Variants in SLCO2A1 observed in about 807,000 individuals in gnomAD.
SLCO2A1 encodes matrin F/G 1.
Under a neutral mutation model 71.7 loss-of-function variants are expected in SLCO2A1, and 60 were observed. That is an observed-to-expected ratio of 0.84 (90% CI 0.68 to 1.04). The LOEUF (loss-of-function observed/expected upper bound fraction) is 1.04. SLCO2A1 is among the 50% of genes least tolerant of loss of function. SLCO2A1 has a pLI of 0.00. For missense variants in SLCO2A1, 745 were observed against 813.4 expected (o/e 0.92, Z 1.02); for synonymous variants, 308 against 326.7 (o/e 0.94, Z 0.62).
At chr3:134,021,542 G>T (rs554623243) in intron 1 of SLCO2A1, among the ~76,000 whole-genome samples, 1 of 152,106 alleles carries the variant, frequency 6.6e-6, no homozygotes, top group Non-Finnish European at 1.5e-5. Flanking sequence ...CAGCATAAGT[G>T]GCTGGCAGAG....
intron 11 of SLCO2A1, among the ~76,000 whole-genome samples, chr3:133,939,721 C>T (rs1486521543): frequency 6.6e-6 from 1 of 152,184 alleles, no homozygotes; most frequent in African/African-American, 2.4e-5. Context: ...TTGGCCCTTG[C>T]CCTGGGCAGA....
At chr3:133,973,554 T>C (rs981975475) in intron 3 of SLCO2A1, 109 bp downstream of exon 3, 1 of 1,167,454 alleles carries the variant, frequency 8.6e-7, no homozygotes. Flanking sequence ...CTGAGCTTCA[T>C]ATGCCCTCTT....
In SLCO2A1 at chr3:134,029,679, C is replaced by T. The variant is rs761520036; in HGVS notation, c.96+28G>A. ...GAAGGTGCGCCAGGCGCGGCTCCGG[C>T]CCGGAAGACCCCGCGGACTCCGCTC... On this transcript the variant is annotated intron_variant, in intron 1 of 13. Coordinates refer to ENST00000310926, the MANE Select transcript of SLCO2A1 (RefSeq NM_005630.3). 7.1e-6 allele frequency: 11 copies of T among 1,544,900 alleles called. No individual in the cohort carries two copies. In the African/African-American group the frequency reaches 1.2e-4, roughly 17 times the overall value.
intron 1 of SLCO2A1, among the ~76,000 whole-genome samples, chr3:133,985,566 C>G (rs1013016792): frequency 6.6e-6 from 1 of 152,160 alleles, no homozygotes; most frequent in Admixed American, 6.5e-5. Context: ...TCTCCTCACT[C>G]GACTTTTTTT....
chr3:133,938,290 A>G, intron 12 of SLCO2A1, 139 bp downstream of exon 12: 1 of 763,410 alleles, frequency 1.3e-6, no homozygotes, highest in Non-Finnish European at 2.3e-6. Flanking sequence ...GGATTTTGGC[A>G]TCTGCTGTTG....
intron 11 of SLCO2A1, among the ~76,000 whole-genome samples, chr3:133,938,999 C>G (rs1017032528): frequency 1.3e-5 from 2 of 152,082 alleles, no homozygotes; most frequent in Non-Finnish European, 2.9e-5. Context: ...GTAATTAGGG[C>G]CCTTGGGCTG....
chr3:133,953,558 C>T (rs1202941018), intron 5 of SLCO2A1, 105 bp downstream of exon 5: 7 of 826,052 alleles, frequency 8.5e-6, no homozygotes, highest in East Asian at 2.5e-5. Flanking sequence ...GGTGGCAGAG[C>T]GCATCTGGAG....
chr3:133,950,440 T>C (rs954879104), intron 6 of SLCO2A1, among the ~76,000 whole-genome samples: 12 of 152,182 alleles, frequency 7.9e-5, no homozygotes, highest in African/African-American at 2.9e-4. Context: ...TCTATCCTTA[T>C]CTTTGCCCTG....
chr3:133,972,532 G>A (rs755768978), intron 3 of SLCO2A1, among the ~76,000 whole-genome samples: 59 of 152,132 alleles, frequency 3.9e-4, no homozygotes, highest in Non-Finnish European at 6.8e-4. Flanking sequence ...ATAGCACATC[G>A]AACTTTCTAA....
rs191331464 is a variant in SLCO2A1 at position 134,023,736 on chromosome 3, A to G, written c.96+5971T>C. 7.6e-3 allele frequency among the ~76,000 whole-genome samples: 1,158 copies of G among 152,360 alleles called. 18 individuals are homozygous for G. The highest frequency in any genetic ancestry group is 0.026 in the African/African-American group (1,101 of 41,592). On this transcript the variant is annotated intron_variant, in intron 1 of 13. Transcript: ENST00000310926. ...ACCAAGATGCAAATGCTTGGTTAAA[A>G]TGGATCAAATATTCCATCTGCACGT...
intron 3 of SLCO2A1, among the ~76,000 whole-genome samples, chr3:133,965,761 C>T (rs181144123): frequency 4.1e-4 from 35 of 86,066 alleles, no homozygotes; most frequent in Admixed American, 3.8e-3. Flanking sequence ...CCTGACAGCA[C>T]CGCACTGGGC....
At chr3:133,981,620 G>A (rs932489863) in intron 1 of SLCO2A1, among the ~76,000 whole-genome samples, 11 of 152,154 alleles carry the variant, frequency 7.2e-5, no homozygotes, top group African/African-American at 2.4e-4. Context: ...TCCAGTCACC[G>A]GACTAGAAGA....
In SLCO2A1 at chr3:133,935,843, C is replaced by T. The variant is rs144464929; in HGVS notation, c.1745G>A (p.Arg582Gln). The stretch of plus-strand genomic sequence containing the variant: ...CCTCCCCAAGCACAGCGAGTTCCAC[C>T]GGATGCAGGAGTGGTCAATGGTGAG... ...YGLTIDHSCI[R>Q]WNSLCLGRRG... Residue 582 changes from arginine to glutamine, a missense_variant, in exon 13 of 14, where the codon CGG becomes CAG. Transcript: ENST00000310926. The T allele has an allele frequency of 8.5e-4, 1,376 of 1,611,628 alleles. 2 individuals carry two copies. The highest frequency in any genetic ancestry group is 1.3e-3 in the Admixed American group (76 of 59,920).
At chr3:133,951,687 C>T (rs571353948) in intron 5 of SLCO2A1, among the ~76,000 whole-genome samples, 5 of 152,348 alleles carry the variant, frequency 3.3e-5, no homozygotes, top group African/African-American at 1.2e-4. Flanking sequence ...CTCTAGACCA[C>T]GTGCTTTCCA....
intron 3 of SLCO2A1, among the ~76,000 whole-genome samples, chr3:133,965,367 G>T (rs987706761): frequency 1.3e-5 from 2 of 152,228 alleles, no homozygotes; most frequent in South Asian, 4.1e-4. Flanking sequence ...TCGGGTGCCC[G>T]TGGGCCAGCG....
chr3:133,996,275 A>G (rs568653644), intron 1 of SLCO2A1, among the ~76,000 whole-genome samples: 14 of 152,328 alleles, frequency 9.2e-5, no homozygotes, highest in Admixed American at 5.2e-4. Flanking sequence ...ACCTCCCAAC[A>G]AACCACAACA....
intron 3 of SLCO2A1, among the ~76,000 whole-genome samples, chr3:133,958,914 G>A (rs1396810185): frequency 6.6e-6 from 1 of 152,204 alleles, no homozygotes; most frequent in Non-Finnish European, 1.5e-5. Flanking sequence ...CGGTGTGACA[G>A]TGGCTCTCTG....
chr3:133,967,673 C>T (rs1016778348), intron 3 of SLCO2A1, among the ~76,000 whole-genome samples: 14 of 152,004 alleles, frequency 9.2e-5, no homozygotes, highest in African/African-American at 3.1e-4. Flanking sequence ...GATCCACTGG[C>T]CAGGTTGTGC....
At chr3:134,008,845 C>T (rs1307481137) in intron 1 of SLCO2A1, among the ~76,000 whole-genome samples, 1 of 152,238 alleles carries the variant, frequency 6.6e-6, no homozygotes, top group African/African-American at 2.4e-5. Flanking sequence ...CCCTTTAAGA[C>T]TTCAAGTATT....
Sources: allele counts gnomAD v4.1 joint callset (sites outside exome capture counted in the v4.1 genomes callset), GRCh38; gene constraint gnomAD v4.1.1; transcripts MANE v1.5; gene names NCBI Gene and HGNC (gene_info 2026-07-23, HGNC 2026-07-21).